Variants in SPIRE1 observed in about 807,000 individuals in gnomAD.
SPIRE1 encodes protein spire homolog 1.
A neutral mutation model predicts 94.1 loss-of-function variants in SPIRE1; 40 were observed. The observed-to-expected ratio is 0.43, with a 90% CI of 0.33 to 0.55. The LOEUF (loss-of-function observed/expected upper bound fraction) is 0.55. SPIRE1 is among the 20% of genes least tolerant of loss of function. SPIRE1 has a pLI of 0.06. For synonymous variants in SPIRE1, 376 were observed against 371.7 expected, an observed-to-expected ratio of 1.01 and a Z score of -0.13; for missense variants, 838 against 975.2, an observed-to-expected ratio of 0.86 and a Z score of 1.87.
intron 3 of SPIRE1, among the ~76,000 whole-genome samples, chr18:12,540,195 C>G (rs1274531863): frequency 6.6e-6 from 1 of 152,152 alleles, no homozygotes; most frequent in Admixed American, 6.5e-5. Context: ...TCACACCTAC[C>G]TCTCAAATCC....
rs572732622 is a variant in SPIRE1 at position 12,654,609 on chromosome 18, C to A, written c.337+2921G>T. ...TTGCAAGCTTGCAGTGAGCTGAGAT[C>A]GCGCCACCACACTCCAGCCTGGGCG... On this transcript the variant is annotated intron_variant, in intron 1 of 16. Coordinates refer to ENST00000409402, the MANE Select transcript of SPIRE1 (RefSeq NM_001128626.2). Among the ~76,000 whole-genome samples the A allele has an allele frequency of 3.4e-5, 5 of 148,180 alleles. No individual in the cohort carries two copies. The South Asian group carries it at 1.1e-3, about 32-fold the overall frequency.
chr18:12,544,083 A>G (rs537463816), intron 3 of SPIRE1, among the ~76,000 whole-genome samples: 9 of 152,240 alleles, frequency 5.9e-5, no homozygotes, highest in Non-Finnish European at 1.3e-4. Context: ...TAGCATGGAA[A>G]CCAAGAAACA....
chr18:12,459,984 T>A, intron 12 of SPIRE1: 1 of 875,534 alleles, frequency 1.1e-6, no homozygotes, highest in Non-Finnish European at 1.4e-6. Flanking sequence ...AAGGAGAAAA[T>A]AATGCTGAAC....
At chr18:12,643,955 G>T (rs1351353719) in intron 1 of SPIRE1, among the ~76,000 whole-genome samples, 2 of 151,548 alleles carry the variant, frequency 1.3e-5, no homozygotes, top group South Asian at 2.1e-4. Context: ...TTGGAAGGCT[G>T]GGGGTGGGGG....
intron 2 of SPIRE1, among the ~76,000 whole-genome samples, chr18:12,616,377 G>A (rs1202345084): frequency 1.3e-5 from 2 of 152,174 alleles, no homozygotes; most frequent in Non-Finnish European, 2.9e-5. Context: ...AGCTGAAATG[G>A]AAAAGCAAAG....
chr18:12,594,226 T>C (rs2036611154), intron 2 of SPIRE1, among the ~76,000 whole-genome samples: 1 of 151,962 alleles, frequency 6.6e-6, no homozygotes. Context: ...TAAATATGGA[T>C]CAATACCACC....
At chr18:12,451,422 A>G (rs2143490500) in intron 16 of SPIRE1, among the ~76,000 whole-genome samples, 2 of 152,330 alleles carry the variant, frequency 1.3e-5, no homozygotes, top group Admixed American at 1.3e-4. Context: ...CTACTTATTT[A>G]CTATTTTAAC....
intron 10 of SPIRE1, among the ~76,000 whole-genome samples, chr18:12,476,217 T>C (rs946589455): frequency 6.6e-6 from 1 of 152,128 alleles, no homozygotes; most frequent in Non-Finnish European, 1.5e-5. Context: ...TTTATCTGTG[T>C]TTTCTAAATG....
At chr18:12,623,759 G>C (rs974943837) in intron 2 of SPIRE1, among the ~76,000 whole-genome samples, 2 of 152,046 alleles carry the variant, frequency 1.3e-5, no homozygotes, top group African/African-American at 4.8e-5. Flanking sequence ...CTCCCAAGTA[G>C]CTGGGATTAC....
intron 4 of SPIRE1, among the ~76,000 whole-genome samples, chr18:12,524,028 A>T (rs1414888003): frequency 1.3e-5 from 2 of 152,220 alleles, no homozygotes; most frequent in African/African-American, 4.8e-5. Context: ...TGCATTAGGA[A>T]ACAAAAAAAT....
At chr18:12,491,766 A>G (rs2033242931) in intron 8 of SPIRE1, among the ~76,000 whole-genome samples, 1 of 152,204 alleles carries the variant, frequency 6.6e-6, no homozygotes, top group African/African-American at 2.4e-5. Context: ...TAAACAAGGA[A>G]AATCAATATG....
chr18:12,460,627 G>A (rs1231163620), intron 12 of SPIRE1, among the ~76,000 whole-genome samples: 1 of 151,668 alleles, frequency 6.6e-6, no homozygotes, highest in East Asian at 1.9e-4. Context: ...CAGGAGAATC[G>A]CTTCAATCCG....
At chr18:12,597,992 G>C (rs1364378171) in intron 2 of SPIRE1, among the ~76,000 whole-genome samples, 4 of 152,234 alleles carry the variant, frequency 2.6e-5, no homozygotes, top group African/African-American at 9.6e-5. Flanking sequence ...CGCATGTGCA[G>C]AGGCGGCAGA....
At chr18:12,499,319 G>A (rs1197624960) in intron 6 of SPIRE1, among the ~76,000 whole-genome samples, 1 of 152,126 alleles carries the variant, frequency 6.6e-6, no homozygotes, top group African/African-American at 2.4e-5. Context: ...GAACATAGGT[G>A]TATGAGTTTG....
intron 4 of SPIRE1, among the ~76,000 whole-genome samples, chr18:12,522,132 T>C (rs1433582876): frequency 6.6e-6 from 1 of 152,200 alleles, no homozygotes; most frequent in African/African-American, 2.4e-5. Flanking sequence ...GCTAGGCTCC[T>C]TGCACCAAAC....
chr18:12,519,201 C>A (rs947191973), intron 4 of SPIRE1, among the ~76,000 whole-genome samples: 1 of 152,026 alleles, frequency 6.6e-6, no homozygotes, highest in Non-Finnish European at 1.5e-5. Flanking sequence ...CTACTTAATT[C>A]GAATTTATAT....
intron 9 of SPIRE1, among the ~76,000 whole-genome samples, chr18:12,485,168 G>A (rs183818246): frequency 2.0e-5 from 3 of 148,724 alleles, no homozygotes; most frequent in Admixed American, 6.8e-5. Flanking sequence ...TCAGTGGCGC[G>A]ATCTCGGCTC....
chr18:12,468,965 G>T (rs996849225), intron 10 of SPIRE1, among the ~76,000 whole-genome samples: 7 of 152,122 alleles, frequency 4.6e-5, no homozygotes, highest in Non-Finnish European at 1.0e-4. Context: ...TTGGGAGGCT[G>T]AGGCAGGAGA....
At chr18:12,497,444 G>A (rs1863442741) in intron 6 of SPIRE1, among the ~76,000 whole-genome samples, 1 of 152,010 alleles carries the variant, frequency 6.6e-6, no homozygotes, top group Admixed American at 6.6e-5. Context: ...GAACCTCAAT[G>A]GCCACTCCTA....
Sources: allele counts gnomAD v4.1 joint callset (sites outside exome capture counted in the v4.1 genomes callset), GRCh38; gene constraint gnomAD v4.1.1; transcripts MANE v1.5; gene names NCBI Gene and HGNC (gene_info 2026-07-23, HGNC 2026-07-21).